EPSTI1: variants seen among roughly 807,000 people sequenced by gnomAD.
EPSTI1 encodes the protein epithelial-stromal interaction protein 1.
Under a neutral mutation model 49.9 loss-of-function variants are expected in EPSTI1, and 66 were observed. The ratio of observed to expected loss-of-function variants is 1.32; its 90% CI spans 1.08 to 1.62. EPSTI1 has a LOEUF of 1.62. Among genes scored for constraint, EPSTI1 ranks in the 40% most tolerant of loss-of-function variants. The pLI, the probability that EPSTI1 is intolerant of heterozygous loss-of-function variation, is 0.00. For missense variants in EPSTI1, 394 were observed against 365.5 expected (o/e 1.08, Z -0.64); for synonymous variants, 137 against 130.7 (o/e 1.05, Z -0.33).
intron 3 of EPSTI1, among the ~76,000 whole-genome samples, chr13:42,968,086 T>C (rs1215486702): frequency 1.3e-5 from 2 of 152,170 alleles, no homozygotes; most frequent in African/African-American, 2.4e-5. Context: ...AAAGCTTTAA[T>C]TTCTTACATC....
chr13:42,985,977 C>G (rs954706061), intron 1 of EPSTI1, among the ~76,000 whole-genome samples: 1 of 152,188 alleles, frequency 6.6e-6, no homozygotes, highest in African/African-American at 2.4e-5. Context: ...GAGAATGTCG[C>G]GATGATTAAA....
chr13:42,982,392 C>T (rs976348076), intron 1 of EPSTI1, among the ~76,000 whole-genome samples: 2 of 152,240 alleles, frequency 1.3e-5, no homozygotes, highest in African/African-American at 4.8e-5. Flanking sequence ...TAAAAATGGG[C>T]AACCAGCAAG....
chr13:42,985,959 T>C (rs143287496), intron 1 of EPSTI1, among the ~76,000 whole-genome samples: 21 of 152,332 alleles, frequency 1.4e-4, no homozygotes, highest in African/African-American at 5.1e-4. Context: ...TCCTCCTGTT[T>C]CCTCACTGAG....
rs140458108 is a variant in EPSTI1 at position 42,952,041 on chromosome 13, T to C, written c.563+1907A>G. Among the ~76,000 whole-genome samples the C allele has an allele frequency of 2.9e-4, 44 of 152,274 alleles. No homozygotes were observed. In the East Asian group the frequency reaches 8.5e-3, roughly 29 times the overall value. ...GAGGTTTGTAAAATGCACCAATCAG[T>C]GCTCTGTAAAAATGCACCAATCAGC... On this transcript the variant is annotated intron_variant, in intron 6 of 10. Transcript: ENST00000313624.
intron 4 of EPSTI1, chr13:42,963,639 G>A (rs934345033): frequency 3.9e-5 from 13 of 334,954 alleles, no homozygotes; most frequent in Middle Eastern, 1.6e-3. Context: ...GTATTGGGGA[G>A]GGAAAAGGGA....
rs117592751 is a variant in EPSTI1, at chr13:42,888,078, G to C, written c.*416C>G. On this transcript the variant is annotated 3_prime_UTR_variant, in exon 11 of 11. Coordinates refer to ENST00000313624, the MANE Select transcript of EPSTI1 (RefSeq NM_033255.5). Reference sequence around the variant, plus strand: ...ATATTTGTACCATAAAGAAAGTAGGGATTAAAATCTAAAAAGACCCCCAAA... The same window carrying C: ...ATATTTGTACCATAAAGAAAGTAGGCATTAAAATCTAAAAAGACCCCCAAA... 6.5e-3 allele frequency: 3,946 copies of C among 610,044 alleles called. 34 individuals carry two copies. The highest frequency in any genetic ancestry group is 9.0e-3 in the Non-Finnish European group (3,285 of 366,088). 37.8% of individuals were successfully genotyped at this position (610,044 alleles called of 1,614,324 possible).
intron 7 of EPSTI1, chr13:42,919,389 A>T: frequency 6.7e-7 from 1 of 1,495,712 alleles, no homozygotes; most frequent in Non-Finnish European, 9.3e-7. Flanking sequence ...AGCTCTAAAC[A>T]CCAGAAATTT....
At chr13:42,931,513 A>G (rs2153423027) in intron 6 of EPSTI1, among the ~76,000 whole-genome samples, 1 of 152,372 alleles carries the variant, frequency 6.6e-6, no homozygotes, top group East Asian at 1.9e-4. Flanking sequence ...CCTTGCCTGC[A>G]GCTTTTAATG....
intron 8 of EPSTI1, among the ~76,000 whole-genome samples, chr13:42,916,993 G>A (rs1175862641): frequency 6.6e-6 from 1 of 152,096 alleles, no homozygotes; most frequent in African/African-American, 2.4e-5. Flanking sequence ...TATTCTTTAA[G>A]CACTTTTCTT....
At chr13:42,894,284 C>T (rs66930653) in intron 10 of EPSTI1, among the ~76,000 whole-genome samples, 5,373 of 152,230 alleles carry the variant, frequency 0.035, 126 homozygotes, top group East Asian at 0.098. Flanking sequence ...TTACAGATTT[C>T]TATCTGATGT....
chr13:42,962,904 G>A (rs2039498496), intron 5 of EPSTI1, among the ~76,000 whole-genome samples: 1 of 152,176 alleles, frequency 6.6e-6, no homozygotes, highest in African/African-American at 2.4e-5. Context: ...AAATGACAAC[G>A]AATAAATGAT....
Position 42,895,188 on chromosome 13 carries a change from T to G in EPSTI1, c.816-80A>C, listed in dbSNP as rs116100381. On this transcript the variant is annotated intron_variant, in intron 9 of 10. Coordinates refer to ENST00000313624, the MANE Select transcript of EPSTI1 (RefSeq NM_033255.5). ...ATTTCTGAGAATCTAATGTGTTGTA[T>G]GAACTGACCATGGGGATAGCTTCCT... 3.6e-4 allele frequency: 397 copies of G among 1,094,308 alleles called. 2 individuals carry two copies. In the African/African-American group the frequency reaches 5.8e-3, roughly 16 times the overall value. 67.8% of individuals were successfully genotyped at this position (1,094,308 alleles called of 1,614,324 possible).
At chr13:42,991,799 C>T (rs1333257737) in intron 1 of EPSTI1, among the ~76,000 whole-genome samples, 179 bp downstream of exon 1, 1 of 152,216 alleles carries the variant, frequency 6.6e-6, no homozygotes, top group Non-Finnish European at 1.5e-5. Flanking sequence ...TGCAAACTAG[C>T]CGACTCAATT....
intron 1 of EPSTI1, among the ~76,000 whole-genome samples, chr13:42,973,060 A>C (rs1452751695): frequency 6.6e-6 from 1 of 152,210 alleles, no homozygotes; most frequent in Non-Finnish European, 1.5e-5. Flanking sequence ...CTTTGCCAGG[A>C]CTTTGCCAAA....
chr13:42,973,535 T>C (rs1018922161), intron 1 of EPSTI1, among the ~76,000 whole-genome samples: 3 of 152,252 alleles, frequency 2.0e-5, no homozygotes, highest in Non-Finnish European at 4.4e-5. Context: ...TTTCTATTTC[T>C]TAATATAAGA....
At chr13:42,889,210 C>A in intron 10 of EPSTI1, 2 of 1,571,150 alleles carry the variant, frequency 1.3e-6, no homozygotes, top group Middle Eastern at 1.7e-4. Context: ...AAGTGACCCA[C>A]CTTAGGTGCC....
At chr13:42,960,981 G>C (rs1471917274) in intron 5 of EPSTI1, among the ~76,000 whole-genome samples, 3 of 152,188 alleles carry the variant, frequency 2.0e-5, no homozygotes, top group Non-Finnish European at 4.4e-5. Flanking sequence ...CCCATGTAAG[G>C]AAACATGTTC....
chr13:42,912,422 G>A (rs2037713779), intron 8 of EPSTI1, among the ~76,000 whole-genome samples: 1 of 152,072 alleles, frequency 6.6e-6, no homozygotes, highest in South Asian at 2.1e-4. Context: ...AGGGAAACAG[G>A]GCAACGTCCC....
chr13:42,911,416 C>T (rs2037683202), intron 8 of EPSTI1, among the ~76,000 whole-genome samples: 3 of 152,056 alleles, frequency 2.0e-5, no homozygotes, highest in Non-Finnish European at 4.4e-5. Flanking sequence ...AAAATCTGTT[C>T]CTTGAAAATT....
Sources: gnomAD v4.1 joint callset for allele counts (sites outside exome capture counted in the v4.1 genomes callset) on GRCh38, gnomAD v4.1.1 for gene constraint, MANE v1.5 for transcripts, NCBI Gene and HGNC (gene_info 2026-07-23, HGNC 2026-07-21) for gene names.